Variants in STK11IP observed in about 807,000 individuals in gnomAD.
STK11IP encodes the protein serine/threonine-protein kinase 11-interacting protein.
In STK11IP, 103 loss-of-function variants were observed where a neutral mutation model predicts 131.7. That is an observed-to-expected ratio of 0.78 (90% CI 0.67 to 0.92). STK11IP has a LOEUF of 0.92. Ranked by LOEUF, STK11IP falls within the 40% of genes least tolerant of loss-of-function variation. The probability of loss-of-function intolerance (pLI) is 0.00; values close to 1 mark genes in which losing one functional copy is unlikely to be tolerated. For synonymous variants in STK11IP, 557 were observed against 575.6 expected (o/e 0.97, Z 0.46); for missense variants, 1,315 against 1,385.7 (o/e 0.95, Z 0.81).
rs747619849 is a variant in STK11IP at position 219,606,544 on chromosome 2, G to A, written c.987+27G>A. 9.3e-6 allele frequency: 15 copies of A among 1,612,660 alleles called. No individual in the cohort carries two copies. The South Asian group carries it at 1.6e-4, about 18-fold the overall frequency. Reference sequence around the variant, plus strand: ...TCGGTGTGGTTGGGGGGCGAGGACTGTTGGGGGAAGACACGAAGGGAGGGC... The same window carrying A: ...TCGGTGTGGTTGGGGGGCGAGGACTATTGGGGGAAGACACGAAGGGAGGGC... On this transcript the variant is annotated intron_variant, in intron 11 of 24. Coordinates refer to ENST00000456909, the MANE Select transcript of STK11IP (RefSeq NM_052902.4).
chr2:219,611,473 G>C (rs899953577), intron 17 of STK11IP, 131 bp from the exon 18 acceptor site: 1 of 752,484 alleles, frequency 1.3e-6, no homozygotes. Context: ...CCTGGGGCGC[G>C]GTGGTTGTGT....
intron 14 of STK11IP, 56 bp downstream of exon 14, chr2:219,608,486 G>A: frequency 6.5e-7 from 1 of 1,533,710 alleles, no homozygotes; most frequent in Non-Finnish European, 8.8e-7. Flanking sequence ...GGATGTTTGT[G>A]AGTGGTGGGG....
At chr2:219,602,670 A>G in intron 6 of STK11IP, 35 bp from the exon 7 acceptor site, 1 of 1,613,172 alleles carries the variant, frequency 6.2e-7, no homozygotes, top group South Asian at 1.1e-5. Context: ...ATTGTAGTGA[A>G]CATCGATTCT....
intron 2 of STK11IP, among the ~76,000 whole-genome samples, chr2:219,600,887 G>C (rs1359362905): frequency 6.6e-6 from 1 of 152,226 alleles, no homozygotes; most frequent in Non-Finnish European, 1.5e-5. Context: ...GGCGGTGGAA[G>C]GGGGTGTCTC....
chr2:219,598,919 A>T (rs1044587654), intron 2 of STK11IP, among the ~76,000 whole-genome samples: 1 of 152,158 alleles, frequency 6.6e-6, no homozygotes, highest in Non-Finnish European at 1.5e-5. Flanking sequence ...CTCAATTTTC[A>T]TATCTGTAAG....
chr2:219,597,881 G>T lies in STK11IP; in HGVS notation c.-69G>T. The T allele has an allele frequency of 1.9e-6, 3 of 1,606,868 alleles. No homozygotes were observed. In the Admixed American group the frequency reaches 5.1e-5, roughly 27 times the overall value. ...GACTTCCTTTCCATCATTGATAGGC[G>T]CCGGGCAGCTGAGCTGGTAGGAGGA... On this transcript the variant is annotated 5_prime_UTR_variant, in exon 1 of 25. Coordinates refer to ENST00000456909, the MANE Select transcript of STK11IP (RefSeq NM_052902.4).
rs1697997920 is a variant in STK11IP, at chr2:219,601,895, G to T, written c.343-93G>T. ...CTTCCCTAAATCATAGCTGGGCTTT[G>T]TGGTCTTCTCCCTCCTCCCAACTAG... On this transcript the variant is annotated intron_variant, in intron 4 of 24. Coordinates refer to ENST00000456909, the MANE Select transcript of STK11IP (RefSeq NM_052902.4). 5.3e-6 allele frequency: 7 copies of T among 1,317,548 alleles called. No individual in the cohort carries two copies. The Admixed American group carries it at 1.2e-4, about 22-fold the overall frequency. The allele number at this position is 1,317,548 out of a possible 1,614,324, so 81.6% of individuals were successfully genotyped here.
rs758199354 is a variant in STK11IP at position 219,616,106 on chromosome 2, G to A, written c.3180G>A (p.Leu1060=). The A allele has an allele frequency of 1.2e-6, 2 of 1,613,890 alleles. No homozygotes were observed. The highest frequency in any genetic ancestry group is 1.7e-5 in the Admixed American group (1 of 60,028). ...TGTGTCAGGAGCAGCTGACAGCCCTGCTTGCCTGGATCCGGGAACCATGGG... is the reference window on the plus strand; with the variant it reads ...TGTGTCAGGAGCAGCTGACAGCCCTACTTGCCTGGATCCGGGAACCATGGG... The part of the protein sequence containing the change: ...RVVCQEQLTA[L]LAWIREPWEE... The change falls in exon 25 of 25, where the codon CTG becomes CTA. Residue 1060 remains leucine, a synonymous_variant. Coordinates refer to ENST00000456909, the MANE Select transcript of STK11IP (RefSeq NM_052902.4).
At position 219,602,615 on chromosome 2, in the gene STK11IP, A is replaced by T. The variant is rs367905201; in HGVS notation, c.546+40A>T. ...GGGAAGAGGGTTTCGAGGAAGGGCA[A>T]GGCCAGGCCTTTGGGGAGGAGGGCC... is the stretch of plus-strand genomic sequence containing the variant. On this transcript the variant is annotated intron_variant, in intron 6 of 24. Transcript: ENST00000456909. The T allele has an allele frequency of 1.9e-6, 3 of 1,611,676 alleles. No homozygotes were observed. In the African/African-American group the frequency reaches 4.0e-5, roughly 22 times the overall value.
chr2:219,605,754 G>A lies in STK11IP; in HGVS notation c.745+20G>A. 6.3e-7 allele frequency: 1 copy of A among 1,595,738 alleles called. No homozygotes were observed. Among genetic ancestry groups the A allele is most frequent in the South Asian group, 1.1e-5 (1 of 88,284 alleles). On this transcript the variant is annotated intron_variant, in intron 8 of 24. Coordinates refer to ENST00000456909, the MANE Select transcript of STK11IP (RefSeq NM_052902.4). ...TGCATGGTGAGTGGGGGTGTGTGAT[G>A]GGGCAAGCATGGAGGGGAAGGGGGA...
chr2:219,616,325 C>A lies in STK11IP; in HGVS notation c.*132C>A. The A allele has an allele frequency of 8.2e-7, 1 of 1,224,336 alleles. No homozygotes were observed. The highest frequency in any genetic ancestry group is 1.1e-6 in the Non-Finnish European group (1 of 897,650). 75.8% of individuals were successfully genotyped at this position (1,224,336 alleles called of 1,614,324 possible). A position where few individuals can be genotyped will look rare whatever the true frequency, so the allele number is the denominator to read the frequency against. ...CTCTGGGTGCTGGCCAGTGAGGTCC[C>A]AAATGACCCAGGGCTTAAGGGAGAG... On this transcript the variant is annotated 3_prime_UTR_variant, in exon 25 of 25. Transcript: ENST00000456909.
chr2:219,601,091 G>A, intron 2 of STK11IP, 144 bp from the exon 3 acceptor site: 1 of 658,452 alleles, frequency 1.5e-6, no homozygotes. Context: ...CTTTTGAGCT[G>A]AGAAGGAGAT....
intron 7 of STK11IP, among the ~76,000 whole-genome samples, chr2:219,604,865 T>C (rs1398769406): frequency 1.3e-5 from 2 of 152,044 alleles, no homozygotes; most frequent in East Asian, 3.9e-4. Context: ...GTTTCGCTCT[T>C]GTTGCCCAGG....
intron 8 of STK11IP, 105 bp downstream of exon 8, chr2:219,605,839 G>C: frequency 6.7e-7 from 1 of 1,489,092 alleles, no homozygotes; most frequent in Non-Finnish European, 9.1e-7. Context: ...AGGGCTTATG[G>C]GGAGTGCAGG....
intron 2 of STK11IP, 70 bp from the exon 3 acceptor site, chr2:219,601,165 A>C (rs142084373): frequency 2.2e-6 from 3 of 1,345,490 alleles, no homozygotes; most frequent in Admixed American, 4.3e-5. Context: ...TTTTGGCATC[A>C]TAGAGCCTTA....
chr2:219,600,059 G>GTTTTTTTTTTTTTTTTT lies in STK11IP; in HGVS notation c.62-1171_62-1155dup, dbSNP rs57060581. 2.0e-4 allele frequency among the ~76,000 whole-genome samples: 18 copies of GTTTTTTTTTTTTTTTTT among 91,700 alleles called. 1 individual carries two copies. Among genetic ancestry groups the GTTTTTTTTTTTTTTTTT allele is most frequent in the East Asian group, 3.1e-4 (1 of 3,206 alleles). 60.2% of individuals were successfully genotyped at this position (91,700 alleles called of 152,430 possible). A position where few individuals can be genotyped will look rare whatever the true frequency, so the allele number is the denominator to read the frequency against. ...CCTTTGTGTTTTTTTTTTTGTTTTTGTTTTTTTTTTTTTTTTTTTTTGAGA... is the reference window on the plus strand; with the variant it reads ...CCTTTGTGTTTTTTTTTTTGTTTTTGTTTTTTTTTTTTTTTTTTTTTTTTTTTTTTTTTTTTTTGAGA... On this transcript the variant is annotated intron_variant, in intron 2 of 24. Coordinates refer to ENST00000456909, the MANE Select transcript of STK11IP (RefSeq NM_052902.4).
Position 219,611,610 on chromosome 2 carries a change from C to G in STK11IP, c.2111C>G (p.Pro704Arg), listed in dbSNP as rs781046940. The stretch of plus-strand genomic sequence containing the variant: ...GTGTCCATCCTCCCTCCAGAATCTC[C>G]TGCTGTGTGTCCTAACTGTGGTAGT... ...WRPLFQKTES[P>R]AVCPNCGSDH... The change falls in exon 18 of 25, where the codon CCT (proline) becomes CGT (arginine). Residue 704 changes from proline (P) to arginine (R), a missense_variant. Pro to Arg is a moderately radical substitution (Grantham distance 103, BLOSUM62 -2). Coordinates refer to ENST00000456909, the MANE Select transcript of STK11IP (RefSeq NM_052902.4). The G allele has an allele frequency of 1.2e-6, 2 of 1,612,256 alleles. No homozygotes were observed. Among genetic ancestry groups the G allele is most frequent in the Admixed American group, 3.3e-5 (2 of 60,002 alleles).
At chr2:219,605,030 A>G (rs1418387681) in intron 7 of STK11IP, among the ~76,000 whole-genome samples, 4 of 152,098 alleles carry the variant, frequency 2.6e-5, no homozygotes, top group South Asian at 4.1e-4. Context: ...GGGTTTCACA[A>G]TGTTGGCCAG....
chr2:219,603,104 C>T (rs1218768761), intron 7 of STK11IP, among the ~76,000 whole-genome samples: 3 of 144,846 alleles, frequency 2.1e-5, no homozygotes, highest in Non-Finnish European at 3.0e-5. Flanking sequence ...TGCAGTGGCG[C>T]AATCTCAGCT....
Sources: gnomAD v4.1 joint callset for allele counts (sites outside exome capture counted in the v4.1 genomes callset) on GRCh38, gnomAD v4.1.1 for gene constraint, MANE v1.5 for transcripts, NCBI Gene and HGNC (gene_info 2026-07-23, HGNC 2026-07-21) for gene names.